Variants in C16orf96 observed in about 807,000 individuals in gnomAD.
The protein encoded by C16orf96 is chromosome 16 open reading frame 96, also known as uncharacterized protein C16orf96.
Under a neutral mutation model 103.6 loss-of-function variants are expected in C16orf96, and 108 were observed. That is an observed-to-expected ratio of 1.04 (90% CI 0.89 to 1.22). The LOEUF is 1.22. C16orf96 is among the 50% of genes most tolerant of loss of function. C16orf96 has a pLI of 0.00. For missense variants in C16orf96, 1,586 were observed against 1,464.2 expected (o/e 1.08, Z -1.36); for synonymous variants, 566 against 593.5 (o/e 0.95, Z 0.67).
At chr16:4,543,707 C>T in the C16orf96 span, among the ~76,000 whole-genome samples, 3 of 151,984 alleles carry the variant, frequency 2.0e-5, no homozygotes, top group East Asian at 1.9e-4. Flanking sequence ...TGCAGTGGCG[C>T]GATCTTGGCT....
intron 9 of C16orf96, 58 bp from the exon 10 acceptor site, chr16:4,591,608 G>A (rs916984715): frequency 2.7e-5 from 37 of 1,385,350 alleles, no homozygotes; most frequent in Non-Finnish European, 3.5e-5. Context: ...CTTCTGGAAG[G>A]AGGCAGGGTG....
chr16:4,595,197 C>A (rs572072525), intron 14 of C16orf96, among the ~76,000 whole-genome samples: 9 of 152,042 alleles, frequency 5.9e-5, no homozygotes, highest in African/African-American at 1.9e-4. Flanking sequence ...ATGAAGGGGT[C>A]GGGTGAGAGG....
intron 14 of C16orf96, among the ~76,000 whole-genome samples, chr16:4,595,760 G>A (rs1048680475): frequency 6.6e-6 from 1 of 152,086 alleles, no homozygotes; most frequent in African/African-American, 2.4e-5. Flanking sequence ...AGGCTGGAGT[G>A]CAGTGGTGCG....
chr16:4,542,695 G>A, the C16orf96 span, among the ~76,000 whole-genome samples: 1 of 152,146 alleles, frequency 6.6e-6, no homozygotes, highest in Admixed American at 6.6e-5. Flanking sequence ...CTACTCGGGA[G>A]GCTGAGGCAG....
chr16:4,575,191 A>C lies in C16orf96; in HGVS notation c.711A>C (p.Pro237=). The C allele has an allele frequency of 6.5e-7, 1 of 1,546,718 alleles. No homozygotes were observed. Among genetic ancestry groups the C allele is most frequent in the Non-Finnish European group, 8.7e-7 (1 of 1,146,844 alleles). ...TTCTGCAGGAAATTGGTTCATCACC[A>C]CTGGACCTGTGGCAGTCTGTAGAGC... ...AMFTSEIGSS[P]LDLWQSVEQL... The change falls in exon 5 of 16, where the codon CCA becomes CCC. Residue 237 remains proline, a synonymous_variant. Transcript: ENST00000444310.
At chr16:4,562,110 G>T (rs1479395266) in intron 1 of C16orf96, among the ~76,000 whole-genome samples, 1 of 152,142 alleles carries the variant, frequency 6.6e-6, no homozygotes, top group African/African-American at 2.4e-5. Context: ...CATTAATCCT[G>T]TAGCTTCATC....
chr16:4,574,704 G>C lies in C16orf96; in HGVS notation c.526-5G>C. On this transcript the variant is annotated splice_polypyrimidine_tract_variant and splice_region_variant and intron_variant, in intron 2 of 15. Transcript: ENST00000444310. ...CCCAGTCCACAGACTCAGTTCCTTTGACAGGTACACCCAGAAAGAATGGAC... is the reference window on the plus strand; with the variant it reads ...CCCAGTCCACAGACTCAGTTCCTTTCACAGGTACACCCAGAAAGAATGGAC... 1 of 1,551,348 alleles carries C rather than the reference G, an allele frequency of 6.4e-7. No individual in the cohort carries two copies. The highest frequency in any genetic ancestry group is 8.7e-7 in the Non-Finnish European group (1 of 1,146,748).
At chr16:4,594,886 C>T (rs1186014618) in intron 14 of C16orf96, 83 bp downstream of exon 14, 2 of 1,406,778 alleles carry the variant, frequency 1.4e-6, no homozygotes, top group Non-Finnish European at 2.0e-6. Flanking sequence ...AGGTGGGGCC[C>T]AGAGCCAGCA....
At chr16:4,562,403 C>T (rs1448698747) in intron 1 of C16orf96, among the ~76,000 whole-genome samples, 1 of 146,554 alleles carries the variant, frequency 6.8e-6, no homozygotes, top group Non-Finnish European at 1.5e-5. Context: ...CCTGGGAGGT[C>T]GAGGCTGCAG....
At chr16:4,577,983 G>T (rs2059533939) in intron 5 of C16orf96, among the ~76,000 whole-genome samples, 1 of 152,082 alleles carries the variant, frequency 6.6e-6, no homozygotes, top group Non-Finnish European at 1.5e-5. Context: ...GGTGGCGCAG[G>T]CCTGTAGTCC....
upstream of C16orf96, among the ~76,000 whole-genome samples, chr16:4,553,815 A>G (rs867981523): frequency 1.3e-5 from 2 of 152,100 alleles, no homozygotes; most frequent in Non-Finnish European, 1.5e-5. Flanking sequence ...GGCATGTTAC[A>G]TATGTTATTT....
intron 14 of C16orf96, among the ~76,000 whole-genome samples, chr16:4,596,204 T>C (rs1222739502): frequency 6.6e-6 from 1 of 151,948 alleles, no homozygotes; most frequent in Non-Finnish European, 1.5e-5. Flanking sequence ...GCCGTCCCAT[T>C]GGCCGGGCAC....
chr16:4,546,566 G>A, the C16orf96 span, among the ~76,000 whole-genome samples: 22 of 148,816 alleles, frequency 1.5e-4, no homozygotes, highest in Non-Finnish European at 3.0e-4. Flanking sequence ...CCAAGCTCAA[G>A]CGATCCTCTT....
At chr16:4,550,247 G>A in the C16orf96 span, among the ~76,000 whole-genome samples, 2 of 152,042 alleles carry the variant, frequency 1.3e-5, no homozygotes, top group Non-Finnish European at 2.9e-5. Context: ...ACCATGCCCA[G>A]CTAATTTTTA....
intron 7 of C16orf96, among the ~76,000 whole-genome samples, chr16:4,580,565 G>C (rs918783797): frequency 6.6e-6 from 1 of 152,212 alleles, no homozygotes; most frequent in East Asian, 1.9e-4. Context: ...GAAATATTTA[G>C]GCTGGGTGCG....
chr16:4,555,572 C>T (rs530773419), upstream of C16orf96, among the ~76,000 whole-genome samples: 5 of 152,158 alleles, frequency 3.3e-5, no homozygotes, highest in African/African-American at 4.8e-5. Context: ...GGAGTTTCAC[C>T]GTCTTGGCCA....
Position 4,574,721 on chromosome 16 carries a change from A to G in C16orf96, c.538A>G (p.Arg180Gly). 6.4e-7 allele frequency: 1 copy of G among 1,551,846 alleles called. No homozygotes were observed. The highest frequency in any genetic ancestry group is 8.7e-7 in the Non-Finnish European group (1 of 1,147,060). Residue 180 changes from arginine to glycine, a missense_variant, in exon 3 of 16, where the codon AGA (arginine) becomes GGA (glycine). Transcript: ENST00000444310. Reference protein sequence around the residue: ...KNMLDKVHPERMDIFAEDFKI... With the variant: ...KNMLDKVHPEGMDIFAEDFKI... ...GTTCCTTTGACAGGTACACCCAGAA[A>G]GAATGGACATCTTTGCTGAAGACTT...
chr16:4,565,124 G>A (rs7202602), intron 1 of C16orf96, among the ~76,000 whole-genome samples: 4,097 of 152,200 alleles, frequency 0.027, 212 homozygotes, highest in African/African-American at 0.095. Context: ...TAAGGCCTTT[G>A]TAAGTACTGG....
rs551367787 is a variant in C16orf96, at chr16:4,599,447, A to G, written c.3208+83A>G. ...CTCCTCGTCTCATCCCATCCCCCAC[A>G]CCCCGCCTGGGCTCTCCTGTCCACC... On this transcript the variant is annotated intron_variant, in intron 15 of 15. Transcript: ENST00000444310. 7.9e-5 allele frequency: 96 copies of G among 1,212,228 alleles called. No homozygotes were observed. In the African/African-American group the frequency reaches 1.2e-3, roughly 15 times the overall value. The allele number at this position is 1,212,228 out of a possible 1,614,324, so 75.1% of individuals were successfully genotyped here. A position where few individuals can be genotyped will look rare whatever the true frequency, so the allele number is the denominator to read the frequency against.
Sources: gnomAD v4.1 joint callset for allele counts (sites outside exome capture counted in the v4.1 genomes callset) on GRCh38, gnomAD v4.1.1 for gene constraint, MANE v1.5 for transcripts, NCBI Gene and HGNC (gene_info 2026-07-23, HGNC 2026-07-21) for gene names.